Variants in FRK observed in about 807,000 individuals in gnomAD.
FRK encodes tyrosine-protein kinase FRK.
Under a neutral mutation model 56.4 loss-of-function variants are expected in FRK, and 51 were observed. The observed-to-expected ratio is 0.90, with a 90% CI of 0.72 to 1.14. FRK has a LOEUF of 1.14. Among genes scored for constraint, FRK ranks in the 50% most tolerant of loss-of-function variants. The probability of loss-of-function intolerance (pLI) is 0.00; values close to 1 mark genes in which losing one functional copy is unlikely to be tolerated. For missense variants in FRK, 570 were observed against 601.4 expected (o/e 0.95, Z 0.55); for synonymous variants, 245 against 217.9 (o/e 1.12, Z -1.10).
the FRK span, among the ~76,000 whole-genome samples, chr6:116,079,981 A>G: frequency 1.3e-5 from 2 of 152,238 alleles, no homozygotes; most frequent in Non-Finnish European, 2.9e-5. Flanking sequence ...GAGAAAAAGA[A>G]GACCTATTAA....
At chr6:115,957,518 T>C (rs1773049115) in intron 4 of FRK, among the ~76,000 whole-genome samples, 1 of 152,190 alleles carries the variant, frequency 6.6e-6, no homozygotes, top group Admixed American at 6.5e-5. Flanking sequence ...GCAAATATGG[T>C]TTCCATTGAT....
At chr6:115,977,169 G>C (rs1050287114) in intron 2 of FRK, among the ~76,000 whole-genome samples, 5 of 152,130 alleles carry the variant, frequency 3.3e-5, no homozygotes, top group Non-Finnish European at 7.4e-5. Flanking sequence ...TAATTGATTT[G>C]TTATGTTGTA....
At position 115,942,462 on chromosome 6, in the gene FRK, A is replaced by G. The variant is rs761309616; in HGVS notation, c.1470T>C (p.Tyr490=). The G allele has an allele frequency of 2.5e-6, 4 of 1,613,608 alleles. No homozygotes were observed. Among genetic ancestry groups the G allele is most frequent in the Non-Finnish European group, 3.4e-6 (4 of 1,179,738 alleles). Reference sequence around the variant, plus strand: ...CTGAATATGAAGAGTCTGTTTCAAAATAGTCTTCAAGTTTCCAACGCAGTG... The same window carrying G: ...CTGAATATGAAGAGTCTGTTTCAAAGTAGTCTTCAAGTTTCCAACGCAGTG... The part of the protein sequence containing the change: ...FETLRWKLED[Y]FETDSSYSDA... The change falls in exon 8 of 8, where the codon TAT becomes TAC. Residue 490 remains tyrosine (Y), a synonymous_variant. Coordinates refer to ENST00000606080, the MANE Select transcript of FRK (RefSeq NM_002031.3).
At chr6:115,973,810 G>T (rs1169286034) in intron 2 of FRK, among the ~76,000 whole-genome samples, 1 of 151,568 alleles carries the variant, frequency 6.6e-6, no homozygotes, top group African/African-American at 2.4e-5. Flanking sequence ...GGCAGAGGTT[G>T]CAGTGAGCCA....
At chr6:115,994,256 T>G (rs1257708078) in intron 2 of FRK, among the ~76,000 whole-genome samples, 1 of 149,252 alleles carries the variant, frequency 6.7e-6, no homozygotes, top group Non-Finnish European at 1.5e-5. Context: ...TATTGGCTTA[T>G]CAAAGAATTG....
chr6:116,051,360 A>T (rs1405500403), intron 1 of FRK, among the ~76,000 whole-genome samples: 1 of 152,162 alleles, frequency 6.6e-6, no homozygotes, highest in African/African-American at 2.4e-5. Flanking sequence ...AACATTAAAG[A>T]ATCTGACATT....
chr6:115,948,376 T>A (rs1772550436), intron 5 of FRK, among the ~76,000 whole-genome samples: 1 of 152,196 alleles, frequency 6.6e-6, no homozygotes, highest in Non-Finnish European at 1.5e-5. Context: ...TGCAGCCTTA[T>A]AAGAGGACCT....
chr6:116,044,488 G>A (rs889424876), intron 1 of FRK, among the ~76,000 whole-genome samples: 1 of 152,120 alleles, frequency 6.6e-6, no homozygotes, highest in East Asian at 1.9e-4. Context: ...AAAACTACAT[G>A]ATTATCTCAA....
intron 5 of FRK, among the ~76,000 whole-genome samples, chr6:115,948,718 C>T (rs756299656): frequency 1.1e-4 from 16 of 152,148 alleles, no homozygotes; most frequent in Non-Finnish European, 1.5e-4. Flanking sequence ...GTCGTTTCCA[C>T]GTAGGTAATT....
chr6:116,057,929 CA>C (rs1347604830), intron 1 of FRK, among the ~76,000 whole-genome samples: 3 of 152,170 alleles, frequency 2.0e-5, no homozygotes, highest in African/African-American at 7.2e-5. Context: ...TTGCTTTCTT[CA>C]GCATTTCTAA....
intron 1 of FRK, among the ~76,000 whole-genome samples, chr6:116,051,186 C>T (rs1582760066): frequency 1.3e-5 from 2 of 152,018 alleles, no homozygotes; most frequent in African/African-American, 4.8e-5. Flanking sequence ...AAGTAAGATA[C>T]CTAGTATAAA....
intron 2 of FRK, among the ~76,000 whole-genome samples, chr6:115,991,809 C>T (rs998687563): frequency 6.6e-6 from 1 of 151,608 alleles, no homozygotes; most frequent in Middle Eastern, 3.2e-3. Flanking sequence ...AGGAATCCCT[C>T]CTCCTCAATT....
chr6:115,993,789 C>T (rs1418887774), intron 2 of FRK, among the ~76,000 whole-genome samples: 1 of 151,986 alleles, frequency 6.6e-6, no homozygotes, highest in East Asian at 1.9e-4. Context: ...TCTGTCCTCA[C>T]AAACTTTAAT....
chr6:116,001,519 A>G (rs1775064505), intron 2 of FRK, among the ~76,000 whole-genome samples: 1 of 152,094 alleles, frequency 6.6e-6, no homozygotes, highest in East Asian at 1.9e-4. Flanking sequence ...GTTTCCTGAA[A>G]ATCCACACCT....
At chr6:116,093,526 G>C in the FRK span, among the ~76,000 whole-genome samples, 1 of 152,302 alleles carries the variant, frequency 6.6e-6, no homozygotes, top group South Asian at 2.1e-4. Flanking sequence ...CGAGAGTTTG[G>C]AGATACCTGG....
chr6:116,076,853 A>C, the FRK span, among the ~76,000 whole-genome samples: 5 of 152,222 alleles, frequency 3.3e-5, no homozygotes, highest in African/African-American at 1.2e-4. Flanking sequence ...TCACTTTGCT[A>C]TCAGTTTGAA....
At chr6:115,976,164 T>C (rs1773984421) in intron 2 of FRK, among the ~76,000 whole-genome samples, 2 of 152,138 alleles carry the variant, frequency 1.3e-5, no homozygotes, top group Admixed American at 1.3e-4. Context: ...GGTCTTATTT[T>C]GCAGTCCTTT....
At chr6:116,021,496 A>T (rs1775872089) in intron 1 of FRK, among the ~76,000 whole-genome samples, 2 of 152,142 alleles carry the variant, frequency 1.3e-5, no homozygotes, top group African/African-American at 4.8e-5. Context: ...ACATAACTAT[A>T]CTTCCACCTT....
rs1252090982 is a variant in FRK, at chr6:116,060,367, C to T, written c.-56G>A. On this transcript the variant is annotated 5_prime_UTR_variant, in exon 1 of 8. Coordinates refer to ENST00000606080, the MANE Select transcript of FRK (RefSeq NM_002031.3). ...CTTCTCCCTCTCCCCTTAGTCTCTG[C>T]GATCCACCTTATCTTCCTTCACCAG... 6.5e-6 allele frequency: 9 copies of T among 1,389,880 alleles called. No individual in the cohort carries two copies. The South Asian group carries it at 7.8e-5, about 12-fold the overall frequency. 86.1% of individuals were successfully genotyped at this position (1,389,880 alleles called of 1,614,324 possible). A position where few individuals can be genotyped will look rare whatever the true frequency, so the allele number is the denominator to read the frequency against.
Sources: gnomAD v4.1 joint callset for allele counts (sites outside exome capture counted in the v4.1 genomes callset) on GRCh38, gnomAD v4.1.1 for gene constraint, MANE v1.5 for transcripts, NCBI Gene and HGNC (gene_info 2026-07-23, HGNC 2026-07-21) for gene names.